CYP7B1: variants seen among roughly 807,000 people sequenced by gnomAD.
CYP7B1 encodes cytochrome P450 family 7 subfamily B member 1.
In CYP7B1, 29 loss-of-function variants were observed where a neutral mutation model predicts 42.7. The observed-to-expected ratio is 0.68, with a 90% CI of 0.51 to 0.93. The LOEUF (loss-of-function observed/expected upper bound fraction) is 0.93, where lower values mean the gene tolerates loss of function less well. Among genes scored for constraint, CYP7B1 ranks in the 40% least tolerant of loss-of-function variants. The pLI is 0.00. For synonymous variants in CYP7B1, 235 were observed against 218.2 expected (o/e 1.08, Z -0.68); for missense variants, 655 against 600.5 (o/e 1.09, Z -0.95).
chr8:64,591,204 A>T lies in CYP7B1; in HGVS notation c.*5438T>A, dbSNP rs1470530310. Among the ~76,000 whole-genome samples the T allele has an allele frequency of 1.4e-4, 22 of 152,212 alleles. No individual in the cohort carries two copies. Among genetic ancestry groups the T allele is most frequent in the Admixed American group, 1.2e-3 (18 of 15,284 alleles). Reference sequence around the variant, plus strand: ...AAAGTTCAAACATCAATGATCACTGATTTAGATAAACAAATGAAGTAGAGT... The same window carrying T: ...AAAGTTCAAACATCAATGATCACTGTTTTAGATAAACAAATGAAGTAGAGT... On this transcript the variant is annotated 3_prime_UTR_variant, in exon 6 of 6. Coordinates refer to ENST00000310193, the MANE Select transcript of CYP7B1 (RefSeq NM_004820.5).
At chr8:64,611,721 A>T (rs989569015) in intron 4 of CYP7B1, among the ~76,000 whole-genome samples, 3 of 152,106 alleles carry the variant, frequency 2.0e-5, no homozygotes, top group African/African-American at 7.2e-5. Context: ...AGGATACGTC[A>T]CTCAACAACA....
intron 1 of CYP7B1, among the ~76,000 whole-genome samples, chr8:64,761,838 T>G (rs1157805492): frequency 6.6e-6 from 1 of 152,238 alleles, no homozygotes; most frequent in African/African-American, 2.4e-5. Context: ...CCCCAAAATT[T>G]CAGCACTCCA....
chr8:64,681,021 T>C lies in CYP7B1; in HGVS notation c.123-56482A>G, dbSNP rs577033140. ...TGCCCCTCACCAGAATTTTCAATTT[T>C]CTCACTGGAAATTATTTCAAACGTT... On this transcript the variant is annotated intron_variant, in intron 1 of 5. Coordinates refer to ENST00000310193, the MANE Select transcript of CYP7B1 (RefSeq NM_004820.5). 3.9e-5 allele frequency among the ~76,000 whole-genome samples: 6 copies of C among 152,356 alleles called. No homozygotes were observed. The South Asian group carries it at 1.2e-3, about 32-fold the overall frequency.
chr8:64,613,988 G>A (rs528286842), intron 4 of CYP7B1, among the ~76,000 whole-genome samples: 7 of 152,202 alleles, frequency 4.6e-5, no homozygotes, highest in South Asian at 2.1e-4. Flanking sequence ...TAAAATGCTC[G>A]CCTACATTGT....
At chr8:64,605,565 C>T (rs139882914) in intron 4 of CYP7B1, among the ~76,000 whole-genome samples, 3 of 152,154 alleles carry the variant, frequency 2.0e-5, no homozygotes, top group East Asian at 1.9e-4. Context: ...GGCTAATTTC[C>T]GGCAATTTAT....
intron 1 of CYP7B1, among the ~76,000 whole-genome samples, chr8:64,659,759 G>A (rs895683029): frequency 6.6e-6 from 1 of 152,184 alleles, no homozygotes; most frequent in Non-Finnish European, 1.5e-5. Flanking sequence ...TGGAAGGAAA[G>A]GTCTAAGAAC....
intron 1 of CYP7B1, among the ~76,000 whole-genome samples, chr8:64,653,881 A>G (rs1806079006): frequency 6.6e-6 from 1 of 152,260 alleles, no homozygotes; most frequent in African/African-American, 2.4e-5. Flanking sequence ...TCACATAAAC[A>G]GAACTACAGA....
intron 1 of CYP7B1, among the ~76,000 whole-genome samples, chr8:64,702,815 T>C (rs1283970978): frequency 2.0e-5 from 3 of 152,086 alleles, no homozygotes; most frequent in East Asian, 3.9e-4. Context: ...CAGAACCTAA[T>C]GTATTATCAT....
chr8:64,633,966 A>G (rs1383694704), intron 1 of CYP7B1, among the ~76,000 whole-genome samples: 1 of 152,210 alleles, frequency 6.6e-6, no homozygotes, highest in Non-Finnish European at 1.5e-5. Context: ...TAGACAACTG[A>G]TTTTTACAAA....
downstream of CYP7B1, among the ~76,000 whole-genome samples, chr8:64,590,322 G>T (rs1805017495): frequency 6.6e-6 from 1 of 152,132 alleles, no homozygotes; most frequent in African/African-American, 2.4e-5. Context: ...TGTACGTAGG[G>T]TTACTAAAAA....
At chr8:64,753,917 G>A (rs560014135) in intron 1 of CYP7B1, among the ~76,000 whole-genome samples, 1 of 152,296 alleles carries the variant, frequency 6.6e-6, no homozygotes, top group South Asian at 2.1e-4. Flanking sequence ...CAACAAAGAG[G>A]CCAGTGTGGT....
rs747514385 is a variant in CYP7B1, at chr8:64,616,226, A to AT, written c.314dup (p.Asn105LysfsTer3). 7 of 1,609,970 alleles carry AT rather than the reference A, an allele frequency of 4.3e-6. No individual in the cohort carries two copies. Among genetic ancestry groups the AT allele is most frequent in the East Asian group, 2.2e-5 (1 of 44,788 alleles). ...ATACTCGAAAGCTTAATTGTTTATG[A>AT]TTTTTTATCACTAGCTGGTACTGGA... On this transcript the variant is annotated frameshift_variant, in exon 3 of 6. Transcript: ENST00000310193. LOFTEE classifies it high-confidence loss of function.
chr8:64,624,239 A>G (rs910364432), intron 2 of CYP7B1, among the ~76,000 whole-genome samples, 164 bp downstream of exon 2: 20 of 152,260 alleles, frequency 1.3e-4, no homozygotes, highest in African/African-American at 4.8e-4. Flanking sequence ...TTTTAATGTG[A>G]GGATCACTGA....
chr8:64,738,247 A>G (rs1022583781), intron 1 of CYP7B1, among the ~76,000 whole-genome samples: 3 of 152,178 alleles, frequency 2.0e-5, no homozygotes, highest in Non-Finnish European at 4.4e-5. Context: ...AAAGATTGTG[A>G]TTGGTTTATA....
At chr8:64,768,555 T>C (rs867631600) in intron 1 of CYP7B1, among the ~76,000 whole-genome samples, 2 of 152,194 alleles carry the variant, frequency 1.3e-5, no homozygotes, top group Non-Finnish European at 2.9e-5. Flanking sequence ...GTTATTCACA[T>C]ATGAGAGAAA....
intron 1 of CYP7B1, among the ~76,000 whole-genome samples, chr8:64,671,910 T>G (rs1053899146): frequency 2.0e-5 from 3 of 152,110 alleles, no homozygotes; most frequent in African/African-American, 7.2e-5. Flanking sequence ...AAGCAATATA[T>G]GAGTGATAGG....
intron 1 of CYP7B1, among the ~76,000 whole-genome samples, chr8:64,665,362 G>T (rs1364010996): frequency 1.3e-5 from 2 of 152,060 alleles, no homozygotes; most frequent in Non-Finnish European, 2.9e-5. Context: ...GCTTCAAGGA[G>T]GAGGGGTCCT....
chr8:64,785,063 C>G (rs1290858345), intron 1 of CYP7B1, among the ~76,000 whole-genome samples: 1 of 151,996 alleles, frequency 6.6e-6, no homozygotes, highest in Non-Finnish European at 1.5e-5. Flanking sequence ...TTAACAGAAA[C>G]CTAACCAAAG....
intron 1 of CYP7B1, among the ~76,000 whole-genome samples, chr8:64,654,263 T>C (rs2129631262): frequency 6.6e-6 from 1 of 152,330 alleles, no homozygotes; most frequent in East Asian, 1.9e-4. Flanking sequence ...ATTCTATATC[T>C]AGAAAACCTT....
Sources: allele counts gnomAD v4.1 joint callset (sites outside exome capture counted in the v4.1 genomes callset), GRCh38; gene constraint gnomAD v4.1.1; transcripts MANE v1.5; gene names NCBI Gene and HGNC (gene_info 2026-07-23, HGNC 2026-07-21).